Variants in UQCC6 observed in about 807,000 individuals in gnomAD.
UQCC6 encodes the protein protein BRAWNIN.
At chr12:103,956,392 C>T in the UQCC6 span, 1 of 402,052 alleles carries the variant, frequency 2.5e-6, no homozygotes, top group African/African-American at 2.1e-5. Flanking sequence ...AGCGGCCAGA[C>T]TGTGTAAGAC....
chr12:103,962,159 C>T, the UQCC6 span, among the ~76,000 whole-genome samples: 1 of 152,172 alleles, frequency 6.6e-6, no homozygotes, highest in Non-Finnish European at 1.5e-5. Context: ...ATCTTTTGCT[C>T]ATTTATAAAA....
At chr12:103,954,695 A>T in the UQCC6 span, 1 of 463,834 alleles carries the variant, frequency 2.2e-6, no homozygotes, top group Non-Finnish European at 3.8e-6. Context: ...AACAACAGTG[A>T]GAAGTAGTAA....
At chr12:103,961,700 G>T in the UQCC6 span, among the ~76,000 whole-genome samples, 3 of 151,916 alleles carry the variant, frequency 2.0e-5, no homozygotes, top group Admixed American at 1.3e-4. Context: ...GGGACTACAG[G>T]TGCCCGCCAC....
At chr12:103,950,635 A>G in the UQCC6 span, 1 of 152,234 alleles carries the variant, frequency 6.6e-6, no homozygotes, top group Non-Finnish European at 1.5e-5. Context: ...TTCCATGACC[A>G]CTACAATGTA....
At chr12:103,957,986 T>TATATATTTTAA in the UQCC6 span, among the ~76,000 whole-genome samples, 9 of 142,224 alleles carry the variant, frequency 6.3e-5, no homozygotes, top group Non-Finnish European at 9.1e-5. Context: ...TAATATATAT[T>TATATATTTTAA]TATATATTTA....
the UQCC6 span, chr12:103,954,935 AAATC>A: frequency 2.8e-6 from 2 of 701,768 alleles, no homozygotes; most frequent in Admixed American, 4.0e-5. Context: ...TGACTTTGAG[AAATC>A]AACTTCACTC....
the UQCC6 span, chr12:103,953,574 G>T: frequency 1.4e-6 from 1 of 702,328 alleles, no homozygotes; most frequent in Admixed American, 2.0e-5. Flanking sequence ...GACAGTAATT[G>T]CTGGAGCAAA....
At chr12:103,952,916 T>A in the UQCC6 span, among the ~76,000 whole-genome samples, 1 of 151,808 alleles carries the variant, frequency 6.6e-6, no homozygotes, top group Non-Finnish European at 1.5e-5. Context: ...AAGGCAGGAG[T>A]GTGGCTTCAG....
At chr12:103,957,097 A>T in the UQCC6 span, 1 of 273,382 alleles carries the variant, frequency 3.7e-6, no homozygotes, top group Non-Finnish European at 7.2e-6. Flanking sequence ...TGTGGACTTC[A>T]CTCCTCTCTG....
At chr12:103,954,257 G>A in the UQCC6 span, among the ~76,000 whole-genome samples, 1 of 152,214 alleles carries the variant, frequency 6.6e-6, no homozygotes, top group South Asian at 2.1e-4. Context: ...TCCACAAACT[G>A]TGTGTGTACA....
At chr12:103,955,605 C>A in the UQCC6 span, 1 of 375,238 alleles carries the variant, frequency 2.7e-6, no homozygotes, top group Admixed American at 3.1e-5. Context: ...GCACTCCAAC[C>A]TGGGCAACAG....
At chr12:103,951,790 G>C in the UQCC6 span, among the ~76,000 whole-genome samples, 4 of 152,154 alleles carry the variant, frequency 2.6e-5, no homozygotes, top group African/African-American at 7.2e-5. Flanking sequence ...GTTGATCTAA[G>C]TCCCTTTCTA....
the UQCC6 span, among the ~76,000 whole-genome samples, chr12:103,957,801 G>C: frequency 6.6e-6 from 1 of 151,514 alleles, no homozygotes; most frequent in Admixed American, 6.6e-5. Context: ...CCAGCACTTT[G>C]GGAGGCCAAG....
At chr12:103,960,712 G>A in the UQCC6 span, among the ~76,000 whole-genome samples, 47 of 152,112 alleles carry the variant, frequency 3.1e-4, no homozygotes, top group East Asian at 4.4e-3. Context: ...CCACATACAC[G>A]ACAGGTGGCC....
chr12:103,960,744 G>GA, the UQCC6 span, among the ~76,000 whole-genome samples: 1 of 152,052 alleles, frequency 6.6e-6, no homozygotes, highest in Admixed American at 6.5e-5. Flanking sequence ...CAACGAACCT[G>GA]AAAAAATCCT....
chr12:103,962,093 G>T, the UQCC6 span, among the ~76,000 whole-genome samples: 2 of 152,172 alleles, frequency 1.3e-5, no homozygotes, highest in Non-Finnish European at 2.9e-5. Context: ...CTCAGAATAT[G>T]ACAAATGACC....
the UQCC6 span, among the ~76,000 whole-genome samples, chr12:103,964,055 G>A: frequency 1.3e-5 from 2 of 150,384 alleles, no homozygotes; most frequent in Admixed American, 6.6e-5. Context: ...AGACACTGAT[G>A]GGATAAAAGC....
the UQCC6 span, chr12:103,951,227 A>T: frequency 4.5e-6 from 1 of 223,228 alleles, no homozygotes; most frequent in East Asian, 9.5e-5. Flanking sequence ...TTCTTAATTT[A>T]TATGAAATAA....
At chr12:103,960,026 C>T in the UQCC6 span, among the ~76,000 whole-genome samples, 11 of 151,854 alleles carry the variant, frequency 7.2e-5, no homozygotes, top group African/African-American at 2.4e-4. Context: ...CCGCCTGCCT[C>T]GGCCTCCCAA....
Sources: gnomAD v4.1 joint callset for allele counts (sites outside exome capture counted in the v4.1 genomes callset) on GRCh38, gnomAD v4.1.1 for gene constraint, MANE v1.5 for transcripts, NCBI Gene and HGNC (gene_info 2026-07-23, HGNC 2026-07-21) for gene names.